GRIN3A: variants seen among roughly 807,000 people sequenced by gnomAD.
GRIN3A encodes glutamate ionotropic receptor NMDA type subunit 3A.
Under a neutral mutation model 92.4 loss-of-function variants are expected in GRIN3A, and 47 were observed. The observed-to-expected ratio is 0.51, with a 90% confidence interval of 0.40 to 0.65. The LOEUF (loss-of-function observed/expected upper bound fraction) is 0.65, where lower values mean the gene tolerates loss of function less well. Among genes scored for constraint, GRIN3A ranks in the 30% least tolerant of loss-of-function variants. The pLI, the probability that GRIN3A is intolerant of heterozygous loss-of-function variation, is 0.00. For missense variants in GRIN3A, 1,324 were observed against 1,393.1 expected, an observed-to-expected ratio of 0.95 and a Z score of 0.79; for synonymous variants, 527 against 540.6, an observed-to-expected ratio of 0.97 and a Z score of 0.35.
chr9:101,620,029 C>T (rs10120524), intron 5 of GRIN3A, among the ~76,000 whole-genome samples: 19,713 of 152,200 alleles, frequency 0.13, 2,364 homozygotes, highest in African/African-American at 0.32. Context: ...GAGCCACTGT[C>T]CCTTATTTGC....
At position 101,573,584 on chromosome 9, in the gene GRIN3A, C is replaced by T. The variant is rs1438554868; in HGVS notation, c.3009-71G>A. 1.8e-5 allele frequency: 22 copies of T among 1,231,948 alleles called. No homozygotes were observed. The Admixed American group carries it at 3.3e-4, about 18-fold the overall frequency. 76.3% of individuals were successfully genotyped at this position (1,231,948 alleles called of 1,614,324 possible). The stretch of plus-strand genomic sequence containing the variant: ...TCAAGGTGCTGTCTTCATCTGTTAG[C>T]CATTTCCTGTGCAATAATATGGAGC... On this transcript the variant is annotated intron_variant, in intron 8 of 8. Transcript: ENST00000361820.
At chr9:101,653,397 A>G (rs185313502) in intron 3 of GRIN3A, among the ~76,000 whole-genome samples, 17 of 152,046 alleles carry the variant, frequency 1.1e-4, no homozygotes, top group Admixed American at 1.1e-3. Flanking sequence ...ACATTTCAAA[A>G]TAATTTCTAT....
intron 3 of GRIN3A, among the ~76,000 whole-genome samples, chr9:101,652,341 G>A (rs903801333): frequency 6.6e-6 from 1 of 151,952 alleles, no homozygotes; most frequent in Non-Finnish European, 1.5e-5. Context: ...CTGGAAATAG[G>A]AAGGTCATCA....
intron 1 of GRIN3A, among the ~76,000 whole-genome samples, chr9:101,736,914 G>A (rs1779713742): frequency 6.6e-6 from 1 of 151,934 alleles, no homozygotes; most frequent in African/African-American, 2.4e-5. Context: ...CCCTGCTCTT[G>A]TAGTTCTTCA....
chr9:101,705,486 C>T (rs979861920), intron 1 of GRIN3A, among the ~76,000 whole-genome samples: 3 of 152,170 alleles, frequency 2.0e-5, no homozygotes, highest in Non-Finnish European at 4.4e-5. Context: ...TTAAACAGTT[C>T]GTGTGATCTG....
chr9:101,654,080 T>C (rs1186795285), intron 3 of GRIN3A, among the ~76,000 whole-genome samples: 1 of 151,820 alleles, frequency 6.6e-6, no homozygotes, highest in Non-Finnish European at 1.5e-5. Flanking sequence ...TGGTCTCTTT[T>C]AAAATTGCGT....
At chr9:101,701,122 A>AT (rs371921542) in intron 1 of GRIN3A, among the ~76,000 whole-genome samples, 221 of 152,210 alleles carry the variant, frequency 1.5e-3, no homozygotes, top group Middle Eastern at 6.8e-3. Flanking sequence ...GGAAATGCTT[A>AT]TTTTTTTCAC....
At chr9:101,646,082 A>G (rs1467441242) in intron 3 of GRIN3A, among the ~76,000 whole-genome samples, 3 of 151,696 alleles carry the variant, frequency 2.0e-5, no homozygotes. Context: ...AGCTCAATGT[A>G]GTCCTGTTTG....
chr9:101,618,610 A>G (rs1343661183), intron 5 of GRIN3A, among the ~76,000 whole-genome samples: 1 of 152,230 alleles, frequency 6.6e-6, no homozygotes, highest in Non-Finnish European at 1.5e-5. Flanking sequence ...AATGATTTCT[A>G]GCAATAATAA....
chr9:101,579,898 C>A (rs1250294482), intron 6 of GRIN3A, among the ~76,000 whole-genome samples: 1 of 152,150 alleles, frequency 6.6e-6, no homozygotes, highest in African/African-American at 2.4e-5. Flanking sequence ...TCCCAATGCA[C>A]CCTTCCTAAA....
chr9:101,588,961 T>C (rs1278957266), intron 6 of GRIN3A, among the ~76,000 whole-genome samples: 1 of 151,338 alleles, frequency 6.6e-6, no homozygotes, highest in Non-Finnish European at 1.5e-5. Context: ...ATAAAAATTT[T>C]GTGTATAGTA....
chr9:101,729,453 T>C (rs577933745), intron 1 of GRIN3A, among the ~76,000 whole-genome samples: 1 of 152,238 alleles, frequency 6.6e-6, no homozygotes, highest in South Asian at 2.1e-4. Flanking sequence ...TATGGCCTCT[T>C]CTCCATCTTC....
intron 1 of GRIN3A, among the ~76,000 whole-genome samples, chr9:101,721,824 G>T (rs1268545954): frequency 1.3e-5 from 2 of 152,188 alleles, no homozygotes; most frequent in Non-Finnish European, 2.9e-5. Flanking sequence ...GCATTCGAAA[G>T]GTGACTTGGG....
At chr9:101,669,373 C>T (rs926857297) in intron 3 of GRIN3A, among the ~76,000 whole-genome samples, 2 of 152,042 alleles carry the variant, frequency 1.3e-5, no homozygotes, top group African/African-American at 2.4e-5. Context: ...TCCTTCTTCC[C>T]TTAGGGTCAG....
At chr9:101,664,087 CATAT>C (rs1829209240) in intron 3 of GRIN3A, among the ~76,000 whole-genome samples, 1 of 151,878 alleles carries the variant, frequency 6.6e-6, no homozygotes, top group Admixed American at 6.6e-5. Flanking sequence ...ACCAGCAGAA[CATAT>C]GCCAATGGCT....
intron 3 of GRIN3A, among the ~76,000 whole-genome samples, chr9:101,657,280 G>A (rs1034605001): frequency 5.9e-5 from 9 of 151,902 alleles, no homozygotes; most frequent in Non-Finnish European, 4.4e-5. Context: ...ATGGTTTTAT[G>A]TGGAATTTTA....
At chr9:101,624,936 G>A (rs952847134) in intron 4 of GRIN3A, among the ~76,000 whole-genome samples, 7 of 152,178 alleles carry the variant, frequency 4.6e-5, no homozygotes, top group Non-Finnish European at 8.8e-5. Context: ...CCTGGAGCCA[G>A]GGGTGGGGTT....
In GRIN3A at chr9:101,619,531, C is replaced by G. The variant is rs145570343; in HGVS notation, c.2614+3787G>C. Among the ~76,000 whole-genome samples the G allele has an allele frequency of 8.4e-3, 1,286 of 152,262 alleles. 4 individuals carry two copies. The highest frequency in any genetic ancestry group is 0.024 in the Middle Eastern group (7 of 294). ...CTTTATATGTATTACTTAATCCTCA[C>G]AACAATTCTATCATAAATTTCCTAT... On this transcript the variant is annotated intron_variant, in intron 5 of 8. Transcript: ENST00000361820.
chr9:101,713,622 T>C (rs890700965), intron 1 of GRIN3A, among the ~76,000 whole-genome samples: 1 of 152,236 alleles, frequency 6.6e-6, no homozygotes, highest in Admixed American at 6.5e-5. Context: ...ATGTGCTTGG[T>C]AACTTAGTGT....
Sources: gnomAD v4.1 joint callset for allele counts (sites outside exome capture counted in the v4.1 genomes callset) on GRCh38, gnomAD v4.1.1 for gene constraint, MANE v1.5 for transcripts, NCBI Gene and HGNC (gene_info 2026-07-23, HGNC 2026-07-21) for gene names.